The following PTPRE variants were observed in gnomAD, a reference collection of about 807,000 sequenced individuals.
PTPRE encodes the protein receptor-type tyrosine-protein phosphatase epsilon.
A neutral mutation model predicts 102.0 loss-of-function variants in PTPRE; 51 were observed. The ratio of observed to expected loss-of-function variants is 0.50; its 90% CI spans 0.40 to 0.63. PTPRE has a LOEUF of 0.63. Among genes scored for constraint, PTPRE ranks in the 30% least tolerant of loss-of-function variants. The pLI is 0.00. For missense variants in PTPRE, 752 were observed against 915.1 expected (o/e 0.82, Z 2.30); for synonymous variants, 345 against 348.2 (o/e 0.99, Z 0.10).
intron 1 of PTPRE, among the ~76,000 whole-genome samples, chr10:127,942,250 A>G (rs1848301846): frequency 6.6e-6 from 1 of 152,206 alleles, no homozygotes; most frequent in South Asian, 2.1e-4. Flanking sequence ...TCTGCTAGCA[A>G]ACTGAGGCTC....
intron 2 of PTPRE, among the ~76,000 whole-genome samples, chr10:128,033,537 A>G (rs13328740): frequency 0.023 from 3,536 of 152,340 alleles, 148 homozygotes; most frequent in African/African-American, 0.08. Context: ...TCATGATAAA[A>G]TTATTTGTGG....
At chr10:128,082,195 C>CTCTTT (rs1554951767) in intron 20 of PTPRE, among the ~76,000 whole-genome samples, 1 of 89,032 alleles carries the variant, frequency 1.1e-5, no homozygotes, top group Admixed American at 1.3e-4. Context: ...TTTTCTCTTT[C>CTCTTT]TTTTTTTTTT....
At position 127,907,297 on chromosome 10, in the gene PTPRE, C is replaced by T. The variant is rs560926155; in HGVS notation, c.-43C>T. The T allele has an allele frequency of 8.1e-6, 8 of 984,746 alleles. No individual in the cohort carries two copies. The highest frequency in any genetic ancestry group is 1.1e-4 in the East Asian group (1 of 8,710). The allele number at this position is 984,746 out of a possible 1,614,324, so 61.0% of individuals were successfully genotyped here. Reference sequence around the variant, plus strand: ...TGCAGCGCGATCTGCGCGACCAGACCGGCCCCCCCGAGGTGAGCGCGCGTG... The same window carrying T: ...TGCAGCGCGATCTGCGCGACCAGACTGGCCCCCCCGAGGTGAGCGCGCGTG... On this transcript the variant is annotated 5_prime_UTR_variant, in exon 1 of 21. Coordinates refer to ENST00000254667, the MANE Select transcript of PTPRE (RefSeq NM_006504.6). This position sits in a 1 kb window ranked among gnomAD's most constrained non-coding sequence, Gnocchi z 4.8.
chr10:128,048,190 G>C (rs111850975), intron 5 of PTPRE, among the ~76,000 whole-genome samples: 225 of 152,244 alleles, frequency 1.5e-3, no homozygotes, highest in African/African-American at 5.0e-3. Flanking sequence ...CTATTCAGCT[G>C]GGTTTGTACT....
At position 127,966,760 on chromosome 10, in the gene PTPRE, T is replaced by C. The variant is rs552476587; in HGVS notation, c.-30-15514T>C. Among the ~76,000 whole-genome samples the C allele has an allele frequency of 4.6e-5, 7 of 152,300 alleles. No individual in the cohort carries two copies. In the South Asian group the frequency reaches 1.2e-3, roughly 27 times the overall value. The stretch of plus-strand genomic sequence containing the variant: ...GATGGCAAGAGGTGCAGCTGAGGCC[T>C]GGACCAACACCTGTCAGAACCCAAA... On this transcript the variant is annotated intron_variant, in intron 1 of 20. Coordinates refer to ENST00000254667, the MANE Select transcript of PTPRE (RefSeq NM_006504.6).
At chr10:127,941,221 G>A (rs79224041) in intron 1 of PTPRE, among the ~76,000 whole-genome samples, 3,833 of 152,356 alleles carry the variant, frequency 0.025, 105 homozygotes, top group Admixed American at 0.083. Flanking sequence ...CCAAATGTTA[G>A]AATCAAGAAC....
chr10:128,047,367 G>C (rs1415612387), intron 3 of PTPRE, 23 bp from the exon 4 acceptor site: 3 of 1,610,964 alleles, frequency 1.9e-6, no homozygotes, highest in Middle Eastern at 3.4e-4. Flanking sequence ...TCAGGGGTTA[G>C]GGTCTTTCTG....
In PTPRE at chr10:128,083,375, A is replaced by G. The variant is rs1045343203; in HGVS notation, c.*469A>G. 1.3e-5 allele frequency: 2 copies of G among 152,734 alleles called. No homozygotes were observed. Among genetic ancestry groups the G allele is most frequent in the South Asian group, 2.0e-4 (1 of 4,884 alleles). The allele number at this position is 152,734 out of a possible 1,614,324, so 9.5% of individuals were successfully genotyped here. ...AAGGCAAACTGTTCGTGATGGTACA[A>G]TGTAAATGGGGACTTCTGTAAAGTT... On this transcript the variant is annotated 3_prime_UTR_variant, in exon 21 of 21. Transcript: ENST00000254667.
At chr10:128,007,518 G>A (rs575512855) in intron 2 of PTPRE, among the ~76,000 whole-genome samples, 1 of 152,166 alleles carries the variant, frequency 6.6e-6, no homozygotes, top group East Asian at 1.9e-4. Context: ...CCTGAAAGGG[G>A]ATGTTTGTCT....
intron 2 of PTPRE, among the ~76,000 whole-genome samples, chr10:128,020,050 G>C (rs573072318): frequency 1.0e-5 from 1 of 96,662 alleles, no homozygotes; most frequent in South Asian, 3.3e-4. Flanking sequence ...GTGTGTGCAC[G>C]CGCGCACGTG....
intron 3 of PTPRE, among the ~76,000 whole-genome samples, chr10:128,046,882 G>A (rs897708308): frequency 6.6e-6 from 1 of 152,204 alleles, no homozygotes; most frequent in African/African-American, 2.4e-5. Context: ...AGGTGGAATC[G>A]GGACCTGGAG....
intron 3 of PTPRE, among the ~76,000 whole-genome samples, chr10:128,042,354 A>G (rs994784040): frequency 6.6e-6 from 1 of 152,172 alleles, no homozygotes; most frequent in Admixed American, 6.5e-5. Flanking sequence ...TCCACTCCAC[A>G]TCTGAGGCTT....
At chr10:127,950,578 T>C (rs547616028) in intron 1 of PTPRE, among the ~76,000 whole-genome samples, 11 of 152,334 alleles carry the variant, frequency 7.2e-5, no homozygotes, top group African/African-American at 2.6e-4. Context: ...CGATTGCTCT[T>C]CTCTGTAGGC....
At chr10:128,037,140 A>C (rs115621128) in intron 2 of PTPRE, among the ~76,000 whole-genome samples, 1 of 152,202 alleles carries the variant, frequency 6.6e-6, no homozygotes. Flanking sequence ...GTAGATTGTT[A>C]ATGGAAAATG....
intron 2 of PTPRE, among the ~76,000 whole-genome samples, chr10:128,033,063 G>A (rs1345104349): frequency 6.6e-6 from 1 of 152,082 alleles, no homozygotes; most frequent in African/African-American, 2.4e-5. Flanking sequence ...TAATGGTGTC[G>A]CTGACCACGT....
intron 20 of PTPRE, among the ~76,000 whole-genome samples, chr10:128,080,785 CTT>C (rs949198752): frequency 6.6e-6 from 1 of 152,178 alleles, no homozygotes; most frequent in African/African-American, 2.4e-5. Flanking sequence ...TGTAGCCTGA[CTT>C]TTAGAGTAAA....
At chr10:127,948,123 C>G (rs1848755481) in intron 1 of PTPRE, among the ~76,000 whole-genome samples, 1 of 152,178 alleles carries the variant, frequency 6.6e-6, no homozygotes, top group Admixed American at 6.5e-5. Flanking sequence ...TGGGCCACTC[C>G]GTTGGCCCCC....
At chr10:128,049,960 C>T (rs1208095271) in intron 6 of PTPRE, among the ~76,000 whole-genome samples, 1 of 152,152 alleles carries the variant, frequency 6.6e-6, no homozygotes, top group Non-Finnish European at 1.5e-5. Flanking sequence ...ACTGTTATCT[C>T]GATAACACAG....
At chr10:128,010,049 CCATT>C (rs61354225) in intron 2 of PTPRE, among the ~76,000 whole-genome samples, 150,087 of 152,026 alleles carry the variant, frequency 0.99, 74,086 homozygotes, top group East Asian at 1. Context: ...GTGATGAGGG[CCATT>C]CATTCATTCA....
Sources: allele counts gnomAD v4.1 joint callset (sites outside exome capture counted in the v4.1 genomes callset), GRCh38; gene constraint gnomAD v4.1.1; non-coding constraint Gnocchi (gnomAD v3.1); transcripts MANE v1.5; gene names NCBI Gene and HGNC (gene_info 2026-07-23, HGNC 2026-07-21).